Variants in MGMT observed in about 807,000 individuals in gnomAD.
MGMT encodes the protein methylated-DNA--protein-cysteine methyltransferase.
In MGMT, 14 loss-of-function variants were observed where a neutral mutation model predicts 15.9. The observed-to-expected ratio is 0.88, with a 90% CI of 0.58 to 1.37. The LOEUF (loss-of-function observed/expected upper bound fraction) is 1.37. Ranked by LOEUF, MGMT falls within the 40% of genes most tolerant of loss-of-function variation. The pLI, the probability that MGMT is intolerant of heterozygous loss-of-function variation, is 0.00. For missense variants in MGMT, 282 were observed against 268.1 expected (o/e 1.05, Z -0.36); for synonymous variants, 130 against 118.2 (o/e 1.10, Z -0.65).
intron 1 of MGMT, among the ~76,000 whole-genome samples, chr10:129,501,639 C>T (rs1674840193): frequency 6.6e-6 from 1 of 152,190 alleles, no homozygotes. Flanking sequence ...AGATAAGCAA[C>T]TGTGGGTTTT....
At chr10:129,531,464 C>T (rs116985049) in intron 1 of MGMT, among the ~76,000 whole-genome samples, 8 of 152,038 alleles carry the variant, frequency 5.3e-5, no homozygotes, top group African/African-American at 1.9e-4. Flanking sequence ...TCCTGGTGTC[C>T]GTGATGCCCT....
At chr10:129,508,447 TA>T (rs1225135048) in intron 1 of MGMT, among the ~76,000 whole-genome samples, 1 of 152,062 alleles carries the variant, frequency 6.6e-6, no homozygotes, top group Non-Finnish European at 1.5e-5. Flanking sequence ...ACTTAGAAGT[TA>T]AAGGTGGAGT....
In MGMT at chr10:129,720,386, C is replaced by T. The variant is rs556754185; in HGVS notation, c.274+12343C>T. Among the ~76,000 whole-genome samples the T allele has an allele frequency of 1.2e-4, 19 of 152,288 alleles. 1 individual carries two copies. In the East Asian group the frequency reaches 2.5e-3, roughly 20 times the overall value. On this transcript the variant is annotated intron_variant, in intron 3 of 4. Transcript: ENST00000651593. ...GGGGTCTGGGGAGCCAGCCTCGGCCCCTCCTGGCTCAGCACAGCCCTCGCG... is the reference window on the plus strand; with the variant it reads ...GGGGTCTGGGGAGCCAGCCTCGGCCTCTCCTGGCTCAGCACAGCCCTCGCG...
rs1250352194 is a variant in MGMT at position 129,533,223 on chromosome 10, G to A, written c.-12-3018G>A. Among the ~76,000 whole-genome samples the A allele has an allele frequency of 2.0e-5, 3 of 152,246 alleles. No homozygotes were observed. Among genetic ancestry groups the A allele is most frequent in the Non-Finnish European group, 4.4e-5 (3 of 68,052 alleles). ...CCAGTTCTGGTTCCTGCTATTTTCT[G>A]AGCCTGCTCCTCCAGCCTTCCCAGA... On this transcript the variant is annotated intron_variant, in intron 1 of 4. Transcript: ENST00000651593. The surrounding 1 kb of genome is among the most constrained non-coding windows in gnomAD (Gnocchi z 4.5).
intron 2 of MGMT, among the ~76,000 whole-genome samples, chr10:129,605,512 C>G (rs756868995): frequency 6.6e-6 from 1 of 152,044 alleles, no homozygotes; most frequent in Non-Finnish European, 1.5e-5. Context: ...ACAGAATAAA[C>G]AGACAATGCA....
intron 1 of MGMT, among the ~76,000 whole-genome samples, chr10:129,518,448 C>T (rs11016828): frequency 0.021 from 3,014 of 143,860 alleles, 76 homozygotes; most frequent in Middle Eastern, 0.074. Context: ...CCTCAGCCAC[C>T]GCAGAGACAG....
intron 2 of MGMT, among the ~76,000 whole-genome samples, chr10:129,668,066 G>A (rs1254149887): frequency 6.6e-6 from 1 of 152,094 alleles, no homozygotes. Flanking sequence ...CTGAACAGAA[G>A]GTTTTAATGT....
chr10:129,750,223 G>C, intron 3 of MGMT, among the ~76,000 whole-genome samples: 1 of 151,996 alleles, frequency 6.6e-6, no homozygotes, highest in East Asian at 1.9e-4. Context: ...GTTATATTCT[G>C]AAAGTTTATG....
intron 1 of MGMT, among the ~76,000 whole-genome samples, chr10:129,514,167 A>G (rs2119705379): frequency 6.6e-6 from 1 of 152,254 alleles, no homozygotes; most frequent in East Asian, 1.9e-4. Flanking sequence ...AAAGTTTTAT[A>G]TTTTTGTTCG....
intron 2 of MGMT, among the ~76,000 whole-genome samples, chr10:129,555,182 AT>A (rs1188272059): frequency 6.6e-6 from 1 of 151,972 alleles, no homozygotes; most frequent in Non-Finnish European, 1.5e-5. Flanking sequence ...CTGCCCACAT[AT>A]TTCATAGGCC....
rs1039603137 is a variant in MGMT, at chr10:129,700,097, G to A, written c.126-7798G>A. The A allele has an allele frequency of 7.9e-5, 12 of 152,258 alleles. 1 individual carries two copies. Among genetic ancestry groups the A allele is most frequent in the Admixed American group, 6.5e-4 (10 of 15,290 alleles). 9.4% of individuals were successfully genotyped at this position (152,258 alleles called of 1,614,324 possible). ...TGAGGTTGCGTTGGAAATCAGTAGG[G>A]TGGCGCATGAATCACTGAGAACAGC... On this transcript the variant is annotated intron_variant, in intron 2 of 4. Transcript: ENST00000651593.
chr10:129,666,335 A>C (rs1369655405), intron 2 of MGMT, among the ~76,000 whole-genome samples: 2 of 152,188 alleles, frequency 1.3e-5, no homozygotes, highest in African/African-American at 2.4e-5. Flanking sequence ...TATGTAGATT[A>C]ATTTGGGATC....
In MGMT at chr10:129,539,556, G is replaced by A. The variant is rs540608133; in HGVS notation, c.125+3179G>A. Among the ~76,000 whole-genome samples the A allele has an allele frequency of 2.6e-5, 4 of 152,112 alleles. No individual in the cohort carries two copies. In the East Asian group the frequency reaches 5.8e-4, roughly 22 times the overall value. On this transcript the variant is annotated intron_variant, in intron 2 of 4. Coordinates refer to ENST00000651593, the MANE Select transcript of MGMT (RefSeq NM_002412.5). ...GAGTCTTGCTCTGTCGCCCAGGCTG[G>A]AGTGCAGTGGTGTGATCTCGACTCA...
At chr10:129,587,139 CT>C (rs1033367341) in intron 2 of MGMT, among the ~76,000 whole-genome samples, 11 of 152,070 alleles carry the variant, frequency 7.2e-5, no homozygotes, top group Non-Finnish European at 1.6e-4. Context: ...ATTTTCCCCC[CT>C]CCAGGGGTTT....
chr10:129,493,480 A>G (rs1194932232), intron 1 of MGMT, among the ~76,000 whole-genome samples: 1 of 152,206 alleles, frequency 6.6e-6, no homozygotes, highest in African/African-American at 2.4e-5. Flanking sequence ...CATTTATTCA[A>G]TATCTAGTGC....
At chr10:129,728,840 C>T (rs1156606564) in intron 3 of MGMT, among the ~76,000 whole-genome samples, 1 of 152,046 alleles carries the variant, frequency 6.6e-6, no homozygotes, top group Non-Finnish European at 1.5e-5. Flanking sequence ...TCAGCGTCAC[C>T]AGCATCACAA....
intron 4 of MGMT, 45 bp from the exon 5 acceptor site, chr10:129,766,743 T>C (rs1277359469): frequency 6.4e-7 from 1 of 1,561,220 alleles, no homozygotes; most frequent in Admixed American, 1.8e-5. Context: ...AAAGACCTCG[T>C]TGTCCAGATC....
At chr10:129,477,752 G>C (rs963411206) in intron 1 of MGMT, among the ~76,000 whole-genome samples, 1 of 152,190 alleles carries the variant, frequency 6.6e-6, no homozygotes, top group Non-Finnish European at 1.5e-5. Flanking sequence ...TAAGCCCCCA[G>C]TCTGGTATTT....
rs1326072494 is a variant in MGMT at position 129,674,568 on chromosome 10, T to C, written c.126-33327T>C. On this transcript the variant is annotated intron_variant, in intron 2 of 4. Coordinates refer to ENST00000651593, the MANE Select transcript of MGMT (RefSeq NM_002412.5). ...ATGGAAATGCAAATGTGTTTCTCTTTGGTAACCCAGATACCAAAACCAAGT... is the reference window on the plus strand; with the variant it reads ...ATGGAAATGCAAATGTGTTTCTCTTCGGTAACCCAGATACCAAAACCAAGT... Among the ~76,000 whole-genome samples, 7 of 152,266 alleles carry C rather than the reference T, an allele frequency of 4.6e-5. No homozygotes were observed. In the South Asian group the frequency reaches 1.2e-3, roughly 27 times the overall value.
Sources: gnomAD v4.1 joint callset for allele counts (sites outside exome capture counted in the v4.1 genomes callset) on GRCh38, gnomAD v4.1.1 for gene constraint, Gnocchi (gnomAD v3.1) non-coding constraint, MANE v1.5 for transcripts, NCBI Gene and HGNC (gene_info 2026-07-23, HGNC 2026-07-21) for gene names.